The following CLSTN3 variants were observed in gnomAD, a reference collection of about 807,000 sequenced individuals.
CLSTN3 encodes the protein calsyntenin 3, also known as calsyntenin-3.
Under a neutral mutation model 95.9 loss-of-function variants are expected in CLSTN3, and 36 were observed. The ratio of observed to expected loss-of-function variants is 0.38; its 90% confidence interval spans 0.29 to 0.50. The LOEUF is 0.50. Ranked by LOEUF, CLSTN3 falls within the 20% of genes least tolerant of loss-of-function variation. CLSTN3 has a pLI of 0.95. For missense variants in CLSTN3, 1,084 were observed against 1,268.8 expected, an observed-to-expected ratio of 0.85 and a Z score of 2.21; for synonymous variants, 481 against 504.0, an observed-to-expected ratio of 0.95 and a Z score of 0.61.
intron 8 of CLSTN3, among the ~76,000 whole-genome samples, chr12:7,140,441 T>C (rs1939505920): frequency 6.6e-6 from 1 of 152,008 alleles, no homozygotes; most frequent in African/African-American, 2.4e-5. Flanking sequence ...AGGTGACTTC[T>C]AGGAAAAGAG....
chr12:7,146,462 A>G (rs1363038630), intron 12 of CLSTN3, among the ~76,000 whole-genome samples: 1 of 151,980 alleles, frequency 6.6e-6, no homozygotes, highest in Non-Finnish European at 1.5e-5. Context: ...GCTGCCAGCC[A>G]TCTGGCTTCT....
At position 7,149,653 on chromosome 12, in the gene CLSTN3, G is replaced by T. The variant is rs1939690011; in HGVS notation, c.2205G>T (p.Gly735=). 6.2e-7 allele frequency: 1 copy of T among 1,614,194 alleles called. No individual in the cohort carries two copies. The highest frequency in any genetic ancestry group is 8.5e-7 in the Non-Finnish European group (1 of 1,180,016). The change falls in exon 14 of 18, where the codon GGG becomes GGT. Residue 735 remains glycine, a synonymous_variant. Transcript: ENST00000266546. The surrounding 1 kb of genome is among the most constrained non-coding windows in gnomAD (Gnocchi z 4.5). ...LLDTTSLQQR[G]LELTNTSAYL... is the part of the protein sequence containing the mutation. ...ACACAACCTCTCTGCAGCAGCGGGGGCTGGAGCTCACCAACACATCTGCCT... is the reference window on the plus strand; with the variant it reads ...ACACAACCTCTCTGCAGCAGCGGGGTCTGGAGCTCACCAACACATCTGCCT...
At chr12:7,140,854 C>T (rs2135802891) in intron 8 of CLSTN3, among the ~76,000 whole-genome samples, 1 of 152,316 alleles carries the variant, frequency 6.6e-6, no homozygotes, top group South Asian at 2.1e-4. Flanking sequence ...CTTCAGTGGG[C>T]TATGATTGCA....
At chr12:7,145,639 C>G (rs1017174054) in intron 12 of CLSTN3, among the ~76,000 whole-genome samples, 2 of 151,918 alleles carry the variant, frequency 1.3e-5, no homozygotes, top group African/African-American at 4.8e-5. Flanking sequence ...GATACCACAT[C>G]TATTTCTCTA....
chr12:7,157,460 C>G lies in CLSTN3; in HGVS notation c.2528-29C>G, dbSNP rs772905927. 3.3e-6 allele frequency: 5 copies of G among 1,530,916 alleles called. No individual in the cohort carries two copies. Among genetic ancestry groups the G allele is most frequent in the Non-Finnish European group, 3.5e-6 (4 of 1,137,676 alleles). The allele number at this position is 1,530,916 out of a possible 1,614,324, so 94.8% of individuals were successfully genotyped here. A position where few individuals can be genotyped will look rare whatever the true frequency, so the allele number is the denominator to read the frequency against. On this transcript the variant is annotated intron_variant, in intron 16 of 17. Transcript: ENST00000266546. This position sits in a 1 kb window ranked among gnomAD's most constrained non-coding sequence, Gnocchi z 5.9. ...GTGCCCCCAGGTGTGCCTAGTCACG[C>G]TCTGCTCACCCCCGCGCTCTCTCTG...
At chr12:7,152,722 C>A (rs1939744935) in intron 16 of CLSTN3, among the ~76,000 whole-genome samples, 1 of 152,190 alleles carries the variant, frequency 6.6e-6, no homozygotes, top group South Asian at 2.1e-4. Flanking sequence ...CTTATTAACT[C>A]ATTTAGCCAT....
rs765356936 is a variant in CLSTN3 at position 7,137,073 on chromosome 12, G to A, written c.1173G>A (p.Lys391=). The change falls in exon 7 of 18, where the codon AAG becomes AAA. Residue 391 remains lysine (K), a synonymous_variant. Coordinates refer to ENST00000266546, the MANE Select transcript of CLSTN3 (RefSeq NM_014718.4). This position sits in a 1 kb window ranked among gnomAD's most constrained non-coding sequence, Gnocchi z 4.4. ...GCGTAACTCCCAACAAGGGCAAGAAGGAAGAGGAAACCATCGTATGTAACA... is the reference window on the plus strand; with the variant it reads ...GCGTAACTCCCAACAAGGGCAAGAAAGAAGAGGAAACCATCGTATGTAACA... The part of the protein sequence containing the change: ...KHGVTPNKGK[K]EEETIVCNTV... 6.2e-7 allele frequency: 1 copy of A among 1,613,886 alleles called. No individual in the cohort carries two copies. Among genetic ancestry groups the A allele is most frequent in the Non-Finnish European group, 8.5e-7 (1 of 1,179,926 alleles).
At chr12:7,151,280 T>C (rs1426039281) in intron 16 of CLSTN3, 4 of 494,294 alleles carry the variant, frequency 8.1e-6, no homozygotes, top group Non-Finnish European at 1.4e-5. Context: ...CCTTGTGTCA[T>C]TGTAGGGATG....
Position 7,137,446 on chromosome 12 carries a change from G to C in CLSTN3, c.1210+336G>C, listed in dbSNP as rs754858038. 6.8e-5 allele frequency: 22 copies of C among 325,322 alleles called. No individual in the cohort carries two copies. In the South Asian group the frequency reaches 8.3e-4, roughly 12 times the overall value. 20.2% of individuals were successfully genotyped at this position (325,322 alleles called of 1,614,324 possible). On this transcript the variant is annotated intron_variant, in intron 7 of 17. Coordinates refer to ENST00000266546, the MANE Select transcript of CLSTN3 (RefSeq NM_014718.4). The surrounding 1 kb of genome is among the most constrained non-coding windows in gnomAD (Gnocchi z 4.4). ...TTGCAATGGGAAAGCCTGGGTAATG[G>C]TGTGCCCCATTCTTTCATCATCCCA...
chr12:7,132,199 T>C (rs1939317862), intron 1 of CLSTN3, among the ~76,000 whole-genome samples: 1 of 152,008 alleles, frequency 6.6e-6, no homozygotes, highest in East Asian at 1.9e-4. Context: ...GAACTGGGAT[T>C]GAGTTCTGTA....
intron 16 of CLSTN3, among the ~76,000 whole-genome samples, chr12:7,151,329 G>A (rs962722042): frequency 5.9e-5 from 9 of 152,148 alleles, no homozygotes; most frequent in African/African-American, 1.4e-4. Context: ...GGGTTTAGGC[G>A]TGTTTGTTAT....
At chr12:7,131,012 C>T (rs916136452) in intron 1 of CLSTN3, 3 of 507,008 alleles carry the variant, frequency 5.9e-6, no homozygotes, top group Non-Finnish European at 1.1e-5. Flanking sequence ...AATTTCTACA[C>T]GCTGGTGGCT....
intron 8 of CLSTN3, chr12:7,138,563 C>T (rs867012427): frequency 4.6e-5 from 7 of 152,708 alleles, no homozygotes; most frequent in South Asian, 4.1e-4. Context: ...ATCCCAGAGT[C>T]GTTAGGATTA....
Position 7,136,886 on chromosome 12 carries a change from C to G in CLSTN3, c.986C>G (p.Thr329Arg). The change falls in exon 7 of 18, where the codon ACA becomes AGA. Residue 329 changes from threonine (T) to arginine (R), a missense_variant. Physicochemically the swap from Thr to Arg is moderately conservative, Grantham distance 71. Transcript: ENST00000266546. ...LPMPGPNANWTAGLSVHYSQD... is the reference protein window; with the variant it reads ...LPMPGPNANWRAGLSVHYSQD... The stretch of plus-strand genomic sequence containing the variant: ...ATGCCTGGCCCCAATGCCAACTGGA[C>G]AGCAGGACTCTCGGTGCACTACAGC... 1 of 1,614,104 alleles carries G rather than the reference C, an allele frequency of 6.2e-7. No individual in the cohort carries two copies. Among genetic ancestry groups the G allele is most frequent in the Non-Finnish European group, 8.5e-7 (1 of 1,180,012 alleles).
chr12:7,156,622 C>A (rs749563335), intron 16 of CLSTN3: 24 of 456,550 alleles, frequency 5.3e-5, no homozygotes, highest in South Asian at 3.7e-4. Context: ...GCGTGGCAAC[C>A]TTTGTGCAGC....
Position 7,137,793 on chromosome 12 carries a change from TGTGAGAGA to T in CLSTN3, c.1211-160_1211-153del, listed in dbSNP as rs1392511403. ...GTGTGTGTGTGTGTGTGTGTGTGTG[TGTGAGAGA>T]GAGAGAGAGAGAGAGAGAGAGGAAA... On this transcript the variant is annotated intron_variant, in intron 7 of 17. Coordinates refer to ENST00000266546, the MANE Select transcript of CLSTN3 (RefSeq NM_014718.4). This position sits in a 1 kb window ranked among gnomAD's most constrained non-coding sequence, Gnocchi z 4.4. Among the ~76,000 whole-genome samples, 12 of 71,332 alleles carry T rather than the reference TGTGAGAGA, an allele frequency of 1.7e-4. No homozygotes were observed. The highest frequency in any genetic ancestry group is 3.7e-4 in the African/African-American group (9 of 24,160). 46.8% of individuals were successfully genotyped at this position (71,332 alleles called of 152,430 possible). A position where few individuals can be genotyped will look rare whatever the true frequency, so the allele number is the denominator to read the frequency against.
intron 16 of CLSTN3, among the ~76,000 whole-genome samples, chr12:7,154,962 A>G (rs775153758): frequency 8.5e-5 from 13 of 152,222 alleles, no homozygotes; most frequent in African/African-American, 1.7e-4. Context: ...AAGCAAAAGG[A>G]AACCTGAGCA....
At position 7,149,252 on chromosome 12, in the gene CLSTN3, G is replaced by A; in HGVS notation, c.2074+54G>A. On this transcript the variant is annotated intron_variant, in intron 13 of 17. Coordinates refer to ENST00000266546, the MANE Select transcript of CLSTN3 (RefSeq NM_014718.4). This position sits in a 1 kb window ranked among gnomAD's most constrained non-coding sequence, Gnocchi z 4.5. The stretch of plus-strand genomic sequence containing the variant: ...TCCAGAGAACCAGCCAGTGTCTGGA[G>A]TCAGAGTGTGGGAGAACTCCTGGGG... 6.8e-7 allele frequency: 1 copy of A among 1,465,028 alleles called. No individual in the cohort carries two copies. Among genetic ancestry groups the A allele is most frequent in the East Asian group, 2.3e-5 (1 of 42,568 alleles). 90.8% of individuals were successfully genotyped at this position (1,465,028 alleles called of 1,614,324 possible). A position where few individuals can be genotyped will look rare whatever the true frequency, so the allele number is the denominator to read the frequency against.
In CLSTN3 at chr12:7,156,428, T is replaced by G. The variant is rs760479180; in HGVS notation, c.2528-1061T>G. ...GGCCCACGTCTGTAGTGTCTATGTC[T>G]TCCTTCAGGGGGTTGCCTGGTCTGC... On this transcript the variant is annotated intron_variant, in intron 16 of 17. Coordinates refer to ENST00000266546, the MANE Select transcript of CLSTN3 (RefSeq NM_014718.4). The G allele has an allele frequency of 6.6e-6, 3 of 456,780 alleles. No homozygotes were observed. In the East Asian group the frequency reaches 2.1e-4, roughly 32 times the overall value. The allele number at this position is 456,780 out of a possible 1,614,324, so 28.3% of individuals were successfully genotyped here.
Sources: allele counts gnomAD v4.1 joint callset (sites outside exome capture counted in the v4.1 genomes callset), GRCh38; gene constraint gnomAD v4.1.1; non-coding constraint Gnocchi (gnomAD v3.1); transcripts MANE v1.5; gene names NCBI Gene and HGNC (gene_info 2026-07-23, HGNC 2026-07-21).